Variants in MCPH1 observed in about 807,000 individuals in gnomAD.
MCPH1 encodes the protein microcephalin.
MCPH1 carries 104 observed loss-of-function variants against 84.5 expected under a neutral mutation model. The ratio of observed to expected loss-of-function variants is 1.23; its 90% CI spans 1.05 to 1.45. MCPH1 has a LOEUF of 1.45. Ranked by LOEUF, MCPH1 falls within the 40% of genes most tolerant of loss-of-function variation. The pLI is 0.00. For missense variants in MCPH1, 1,498 were observed against 1,005.7 expected (o/e 1.49, Z -6.62); for synonymous variants, 514 against 366.8 (o/e 1.40, Z -4.58).
intron 12 of MCPH1, chr8:6,521,362 T>A (rs1817301307): frequency 1.9e-6 from 3 of 1,613,588 alleles, no homozygotes; most frequent in Non-Finnish European, 2.5e-6. Context: ...TTGACTGTAG[T>A]TGGATGATGT....
At chr8:6,459,824 G>A (rs558854310) in intron 9 of MCPH1, among the ~76,000 whole-genome samples, 18 of 152,308 alleles carry the variant, frequency 1.2e-4, no homozygotes, top group Non-Finnish European at 1.6e-4. Context: ...GCTGTCAGTC[G>A]TGAGTTCTGA....
At chr8:6,557,141 C>G (rs138336984) in intron 12 of MCPH1, among the ~76,000 whole-genome samples, 1 of 152,214 alleles carries the variant, frequency 6.6e-6, no homozygotes, top group Non-Finnish European at 1.5e-5. Flanking sequence ...CAGTTTTCTG[C>G]AGTCTTCCCA....
intron 12 of MCPH1, among the ~76,000 whole-genome samples, chr8:6,503,583 C>T (rs1182245098): frequency 6.6e-6 from 1 of 152,214 alleles, no homozygotes; most frequent in Non-Finnish European, 1.5e-5. Flanking sequence ...AGTAAGCAAA[C>T]ATCTGAGGCA....
chr8:6,464,170 C>T lies in MCPH1; in HGVS notation c.1935+8918C>T, dbSNP rs900371608. 2.6e-5 allele frequency among the ~76,000 whole-genome samples: 4 copies of T among 152,248 alleles called. No individual in the cohort carries two copies. In the East Asian group the frequency reaches 5.8e-4, roughly 22 times the overall value. On this transcript the variant is annotated intron_variant, in intron 9 of 13. Transcript: ENST00000344683. ...AGCCGGCCAGTGAGCTCTGTAAGAT[C>T]GAAGGTGCCCTTGGTTTCCAACACA...
At chr8:6,501,923 G>A (rs1812274360) in intron 12 of MCPH1, 1 of 133,946 alleles carries the variant, frequency 7.5e-6, no homozygotes, top group Non-Finnish European at 1.7e-5. Flanking sequence ...TTTGCACTTT[G>A]AAACCCTTTT....
In MCPH1 at chr8:6,453,759, G is replaced by A. The variant is rs17076956; in HGVS notation, c.1826-1384G>A. Among the ~76,000 whole-genome samples the A allele has an allele frequency of 7.8e-3, 1,184 of 152,138 alleles. 20 individuals are homozygous for A. The highest frequency in any genetic ancestry group is 0.027 in the African/African-American group (1,105 of 41,498). ...GGAGATTGCATTCATGTTCTACCCC[G>A]GGGGATAAAGTGGGCCTGGGAGAAA... On this transcript the variant is annotated intron_variant, in intron 8 of 13. Coordinates refer to ENST00000344683, the MANE Select transcript of MCPH1 (RefSeq NM_024596.5).
intron 3 of MCPH1, among the ~76,000 whole-genome samples, chr8:6,428,306 A>G (rs1297429044): frequency 1.3e-5 from 2 of 152,154 alleles, no homozygotes; most frequent in Non-Finnish European, 2.9e-5. Flanking sequence ...CTGGGCCTAC[A>G]CAGGGTTAGG....
intron 3 of MCPH1, among the ~76,000 whole-genome samples, chr8:6,418,063 G>A (rs1279959216): frequency 6.6e-6 from 1 of 152,158 alleles, no homozygotes; most frequent in East Asian, 1.9e-4. Flanking sequence ...AACACATGTT[G>A]TTCAGGGGTC....
chr8:6,561,881 A>G (rs970727496), intron 12 of MCPH1, among the ~76,000 whole-genome samples: 5 of 152,202 alleles, frequency 3.3e-5, no homozygotes, highest in Non-Finnish European at 7.3e-5. Context: ...TCTGTGAAAC[A>G]GTGGAATCAC....
intron 3 of MCPH1, among the ~76,000 whole-genome samples, chr8:6,426,276 A>G (rs1466760811): frequency 1.3e-5 from 2 of 152,172 alleles, no homozygotes; most frequent in Non-Finnish European, 2.9e-5. Flanking sequence ...CTGTGTCACC[A>G]CCACAACCAA....
chr8:6,547,468 G>A (rs537971270), intron 12 of MCPH1, among the ~76,000 whole-genome samples: 53 of 152,242 alleles, frequency 3.5e-4, no homozygotes, highest in Non-Finnish European at 5.7e-4. Flanking sequence ...CAGAACTGAC[G>A]TTTTCTTCTG....
intron 4 of MCPH1, among the ~76,000 whole-genome samples, chr8:6,435,349 T>C (rs1044044570): frequency 3.9e-5 from 6 of 152,194 alleles, no homozygotes; most frequent in Non-Finnish European, 7.3e-5. Flanking sequence ...AAAGGCTTTA[T>C]TGCAAGTTGC....
At chr8:6,411,550 A>C (rs1354040091) in intron 2 of MCPH1, among the ~76,000 whole-genome samples, 1 of 152,174 alleles carries the variant, frequency 6.6e-6, no homozygotes, top group African/African-American at 2.4e-5. Flanking sequence ...TTGTGTGTTG[A>C]AGTTGCTAAG....
chr8:6,470,499 A>G (rs1298189900), intron 9 of MCPH1, among the ~76,000 whole-genome samples: 4 of 152,098 alleles, frequency 2.6e-5, no homozygotes, highest in Non-Finnish European at 5.9e-5. Context: ...TGGCCAGGCT[A>G]GTCTCGAACT....
Position 6,625,450 on chromosome 8 carries a change from C to T in MCPH1, c.2452+3759C>T. The T allele has an allele frequency of 4.1e-6, 4 of 985,416 alleles. No homozygotes were observed. In the South Asian group the frequency reaches 1.4e-4, roughly 35 times the overall value. The allele number at this position is 985,416 out of a possible 1,614,324, so 61.0% of individuals were successfully genotyped here. A position where few individuals can be genotyped will look rare whatever the true frequency, so the allele number is the denominator to read the frequency against. On this transcript the variant is annotated intron_variant, in intron 13 of 13. Transcript: ENST00000344683. The stretch of plus-strand genomic sequence containing the variant: ...ACAAATGCTTCTCTGGACAATGTTT[C>T]ATTCTCAAAATATCGCAATATTGAA...
At chr8:6,488,217 C>A (rs1193650692) in intron 11 of MCPH1, among the ~76,000 whole-genome samples, 2 of 152,204 alleles carry the variant, frequency 1.3e-5, no homozygotes, top group South Asian at 2.1e-4. Flanking sequence ...GTCCTCCATC[C>A]CCCTGTCTGC....
intron 12 of MCPH1, among the ~76,000 whole-genome samples, chr8:6,609,861 T>TG (rs1830118251): frequency 7.8e-6 from 1 of 127,476 alleles, no homozygotes; most frequent in Non-Finnish European, 1.6e-5. Flanking sequence ...CCACAGAGGG[T>TG]GAGGGGGGTG....
chr8:6,609,395 C>A (rs1830051628), intron 12 of MCPH1, among the ~76,000 whole-genome samples: 1 of 152,154 alleles, frequency 6.6e-6, no homozygotes, highest in African/African-American at 2.4e-5. Context: ...AGATTTATGA[C>A]TTTTTAAAAA....
Position 6,431,590 on chromosome 8 carries a change from A to G in MCPH1, c.321+4A>G, listed in dbSNP as rs1269184666. 6.3e-7 allele frequency: 1 copy of G among 1,584,188 alleles called. No individual in the cohort carries two copies. The highest frequency in any genetic ancestry group is 8.7e-7 in the Non-Finnish European group (1 of 1,155,130). ...ATCAAGCCTAATTAAAAAAAAAGTA[A>G]GTACATGATTTCAATGTAGATAATG... On this transcript the variant is annotated splice_donor_region_variant and intron_variant, in intron 4 of 13. Transcript: ENST00000344683.
Sources: gnomAD v4.1 joint callset for allele counts (sites outside exome capture counted in the v4.1 genomes callset) on GRCh38, gnomAD v4.1.1 for gene constraint, MANE v1.5 for transcripts, NCBI Gene and HGNC (gene_info 2026-07-23, HGNC 2026-07-21) for gene names.